The following C11orf54 variants were observed in gnomAD, a reference collection of about 807,000 sequenced individuals.
The protein encoded by C11orf54 is beta-keto L-gulonate decarboxylase.
Under a neutral mutation model 35.5 loss-of-function variants are expected in C11orf54, and 29 were observed. The ratio of observed to expected loss-of-function variants is 0.82; its 90% CI spans 0.61 to 1.11. The LOEUF (loss-of-function observed/expected upper bound fraction) is 1.11. C11orf54 is among the 50% of genes most tolerant of loss of function. The pLI, the probability that C11orf54 is intolerant of heterozygous loss-of-function variation, is 0.00. For synonymous variants in C11orf54, 108 were observed against 121.1 expected, an observed-to-expected ratio of 0.89 and a Z score of 0.71; for missense variants, 373 against 369.2, an observed-to-expected ratio of 1.01 and a Z score of -0.08.
rs1348568622 is a variant in C11orf54 at position 93,761,057 on chromosome 11, ATTG to A, written c.775-453_775-451del. Among the ~76,000 whole-genome samples, 4 of 152,326 alleles carry A rather than the reference ATTG, an allele frequency of 2.6e-5. No homozygotes were observed. The East Asian group carries it at 7.7e-4, about 29-fold the overall frequency. On this transcript the variant is annotated intron_variant, in intron 8 of 8. Coordinates refer to ENST00000354421, the MANE Select transcript of C11orf54 (RefSeq NM_001286069.2). Reference sequence around the variant, plus strand: ...CTAGTTAAAAGGTTATTATTACAGTATTGTTGTAGTAGCAAAAGAATTAGAAAT... The same window carrying A: ...CTAGTTAAAAGGTTATTATTACAGTATTGTAGTAGCAAAAGAATTAGAAAT...
intron 7 of C11orf54, among the ~76,000 whole-genome samples, chr11:93,758,921 G>A (rs1943309591): frequency 6.6e-6 from 1 of 152,222 alleles, no homozygotes; most frequent in Admixed American, 6.5e-5. Flanking sequence ...ACACCAGAGT[G>A]GAAACTTGTG....
chr11:93,752,678 C>A (rs1942904412), intron 3 of C11orf54, among the ~76,000 whole-genome samples: 1 of 151,230 alleles, frequency 6.6e-6, no homozygotes, highest in Admixed American at 6.6e-5. Flanking sequence ...TTTAAATCCA[C>A]TCTTATGGTT....
At chr11:93,744,444 C>A (rs555549727) in intron 1 of C11orf54, among the ~76,000 whole-genome samples, 3 of 152,240 alleles carry the variant, frequency 2.0e-5, no homozygotes, top group African/African-American at 7.2e-5. Flanking sequence ...CTACTGCCAG[C>A]AAAAATATGT....
At chr11:93,758,641 C>T (rs748355493) in intron 7 of C11orf54, among the ~76,000 whole-genome samples, 1 of 152,242 alleles carries the variant, frequency 6.6e-6, no homozygotes, top group Admixed American at 6.5e-5. Flanking sequence ...GGTGTGCACA[C>T]GCTCAGGGCA....
At chr11:93,750,531 C>T in intron 3 of C11orf54, 87 bp downstream of exon 3, 1 of 1,047,078 alleles carries the variant, frequency 9.6e-7, no homozygotes. Context: ...CTTAAATTAT[C>T]TACAAATAAA....
intron 6 of C11orf54, among the ~76,000 whole-genome samples, chr11:93,755,752 CAAA>C (rs11452678): frequency 3.6e-5 from 4 of 109,756 alleles, no homozygotes; most frequent in African/African-American, 3.8e-5. Flanking sequence ...GACTCTGTCT[CAAA>C]AAAAAAAAAA....
intron 3 of C11orf54, among the ~76,000 whole-genome samples, chr11:93,751,966 C>T (rs1942860455): frequency 6.6e-6 from 1 of 151,024 alleles, no homozygotes; most frequent in African/African-American, 2.4e-5. Flanking sequence ...CATACCTCAC[C>T]CTCCCAAGTA....
chr11:93,754,378 T>C (rs981737331), intron 5 of C11orf54, among the ~76,000 whole-genome samples: 35 of 152,212 alleles, frequency 2.3e-4, no homozygotes, highest in Non-Finnish European at 4.4e-4. Flanking sequence ...CAGGCAGCTT[T>C]GGATTAGAAG....
intron 6 of C11orf54, among the ~76,000 whole-genome samples, 174 bp from the exon 7 acceptor site, chr11:93,757,140 GCA>G (rs1474772251): frequency 6.6e-6 from 1 of 151,274 alleles, no homozygotes; most frequent in Admixed American, 6.6e-5. Context: ...GTGTGTGTGT[GCA>G]TACATATATA....
intron 8 of C11orf54, 125 bp downstream of exon 8, chr11:93,759,983 G>C (rs1334376108): frequency 1.3e-5 from 8 of 611,564 alleles, no homozygotes; most frequent in Non-Finnish European, 2.2e-5. Flanking sequence ...TTTCACTCTT[G>C]TTGCCCAGGC....
Position 93,747,311 on chromosome 11 carries a change from A to G in C11orf54, c.-83A>G. 9.5e-7 allele frequency: 1 copy of G among 1,052,280 alleles called. No homozygotes were observed. The highest frequency in any genetic ancestry group is 2.6e-5 in the Admixed American group (1 of 37,966). 65.2% of individuals were successfully genotyped at this position (1,052,280 alleles called of 1,614,324 possible). A position where few individuals can be genotyped will look rare whatever the true frequency, so the allele number is the denominator to read the frequency against. On this transcript the variant is annotated 5_prime_UTR_variant, in exon 2 of 9. Coordinates refer to ENST00000354421, the MANE Select transcript of C11orf54 (RefSeq NM_001286069.2). ...TTCATTTCCAGAACAGAAACTGTTC[A>G]TACTTGGTGCGCTGTGGACTCTTGT...
chr11:93,757,532 G>A (rs1286959278), intron 7 of C11orf54, 67 bp downstream of exon 7: 3 of 1,483,032 alleles, frequency 2.0e-6, no homozygotes, highest in African/African-American at 1.4e-5. Flanking sequence ...AAGATCTTAG[G>A]ATTTTTTTTT....
intron 5 of C11orf54, 113 bp downstream of exon 5, chr11:93,754,150 G>A (rs768413157): frequency 3.5e-5 from 30 of 845,248 alleles, no homozygotes; most frequent in Non-Finnish European, 5.2e-5. Context: ...CTCTCTGCAG[G>A]TTTGATACTA....
At chr11:93,754,585 A>G (rs1471247664) in intron 5 of C11orf54, among the ~76,000 whole-genome samples, 1 of 152,214 alleles carries the variant, frequency 6.6e-6, no homozygotes, top group African/African-American at 2.4e-5. Flanking sequence ...TAACCTCTTC[A>G]GATATGAATA....
intron 8 of C11orf54, among the ~76,000 whole-genome samples, chr11:93,760,506 C>T (rs1371665539): frequency 9.4e-6 from 1 of 105,936 alleles, no homozygotes; most frequent in Non-Finnish European, 2.3e-5. Context: ...CAGTATAATC[C>T]CCATCTCAAA....
chr11:93,751,035 CA>C (rs1367244464), intron 3 of C11orf54, among the ~76,000 whole-genome samples: 1 of 152,122 alleles, frequency 6.6e-6, no homozygotes, highest in Admixed American at 6.6e-5. Flanking sequence ...TAGATAAGCT[CA>C]GTGTAAATCA....
chr11:93,758,989 C>T (rs972091297), intron 7 of C11orf54, among the ~76,000 whole-genome samples: 1 of 152,204 alleles, frequency 6.6e-6, no homozygotes, highest in Admixed American at 6.5e-5. Flanking sequence ...GGTGACAGAG[C>T]CAGACCCTGT....
chr11:93,759,922 T>G (rs1200946622), intron 8 of C11orf54, 64 bp downstream of exon 8: 5 of 1,000,156 alleles, frequency 5.0e-6, no homozygotes, highest in Non-Finnish European at 5.9e-6. Context: ...AGGATAATCT[T>G]TAAGAACTAG....
intron 3 of C11orf54, 115 bp downstream of exon 3, chr11:93,750,559 T>G: frequency 1.2e-6 from 1 of 806,554 alleles, no homozygotes; most frequent in Non-Finnish European, 1.9e-6. Context: ...GTCACAACAT[T>G]TAGGCTAAAT....
Sources: allele counts gnomAD v4.1 joint callset (sites outside exome capture counted in the v4.1 genomes callset), GRCh38; gene constraint gnomAD v4.1.1; transcripts MANE v1.5; gene names NCBI Gene and HGNC (gene_info 2026-07-23, HGNC 2026-07-21).